SLC19A2: variants seen among roughly 807,000 people sequenced by gnomAD.
SLC19A2 encodes thiamine transporter 1.
In SLC19A2, 27 loss-of-function variants were observed where a neutral mutation model predicts 44.7. The observed-to-expected ratio is 0.60, with a 90% CI of 0.45 to 0.83. The LOEUF (loss-of-function observed/expected upper bound fraction) is 0.83. SLC19A2 is among the 40% of genes least tolerant of loss of function. SLC19A2 has a pLI of 0.00. For synonymous variants in SLC19A2, 239 were observed against 243.6 expected, an observed-to-expected ratio of 0.98 and a Z score of 0.18; for missense variants, 566 against 613.7, an observed-to-expected ratio of 0.92 and a Z score of 0.82.
intron 2 of SLC19A2, among the ~76,000 whole-genome samples, chr1:169,473,679 G>T (rs1379830851): frequency 6.9e-6 from 1 of 145,206 alleles, no homozygotes; most frequent in African/African-American, 2.5e-5. Flanking sequence ...ATAACATACT[G>T]ACTCTAAAGT....
intron 1 of SLC19A2, among the ~76,000 whole-genome samples, chr1:169,481,218 C>G (rs556722346): frequency 1.3e-5 from 2 of 152,312 alleles, no homozygotes; most frequent in South Asian, 4.1e-4. Flanking sequence ...AAACCACAAA[C>G]CTAAGGTAAA....
At chr1:169,484,278 G>T (rs1484993348) in intron 1 of SLC19A2, among the ~76,000 whole-genome samples, 4 of 152,190 alleles carry the variant, frequency 2.6e-5, no homozygotes, top group Non-Finnish European at 5.9e-5. Context: ...AACAAACTAT[G>T]AGTAACTATA....
In SLC19A2 at chr1:169,485,762, T is replaced by A. The variant is rs1427770805; in HGVS notation, c.5A>T (p.Asp2Val). 1 of 1,531,660 alleles carries A rather than the reference T, an allele frequency of 6.5e-7. No individual in the cohort carries two copies. The highest frequency in any genetic ancestry group is 2.5e-5 in the East Asian group (1 of 40,600). The allele number at this position is 1,531,660 out of a possible 1,614,324, so 94.9% of individuals were successfully genotyped here. A position where few individuals can be genotyped will look rare whatever the true frequency, so the allele number is the denominator to read the frequency against. ...CCGCCGAGACACCGGGCCGGGCACATCCATCCGGGGCGCGAGGGGAGGGGA... is the reference window on the plus strand; with the variant it reads ...CCGCCGAGACACCGGGCCGGGCACAACCATCCGGGGCGCGAGGGGAGGGGA... Reference protein sequence around the residue: MDVPGPVSRRAA... With the variant: MVVPGPVSRRAA... The change falls in exon 1 of 6, where the codon GAT (aspartate) becomes GTT (valine). Residue 2 changes from aspartate to valine, a missense_variant. By Grantham distance (152) the Asp-to-Val change is radical. Transcript: ENST00000236137.
chr1:169,485,969 T>TTAAGGGAGACCCGTCC (rs1658560009), upstream of SLC19A2: 103 of 629,624 alleles, frequency 1.6e-4, 1 homozygote, highest in South Asian at 2.0e-3. Context: ...ATCGCCCAGT[T>TTAAGGGAGACCCGTCC]TAAGGGAGAC....
In SLC19A2 at chr1:169,477,396, C is replaced by G. The variant is rs528458000; in HGVS notation, c.566G>C (p.Ser189Thr). ...ACAGGTAAGAGAGATGACATTCAGG[C>G]TGAACAGCGACCAGCCTGCCACTGA... The part of the protein sequence containing the change: ...LVSVAGWSLF[S>T]LNVISLTCVS... Residue 189 changes from serine (S) to threonine (T), a missense_variant, in exon 2 of 6, where the codon AGC (serine) becomes ACC (threonine). Physicochemically the swap from Ser to Thr is moderately conservative, Grantham distance 58. Transcript: ENST00000236137. 4.3e-6 allele frequency: 7 copies of G among 1,614,202 alleles called. No individual in the cohort carries two copies. The highest frequency in any genetic ancestry group is 1.1e-5 in the South Asian group (1 of 91,084).
intron 4 of SLC19A2, 124 bp from the exon 5 acceptor site, chr1:169,468,376 C>T (rs1427460360): frequency 1.2e-5 from 10 of 844,584 alleles, no homozygotes; most frequent in African/African-American, 1.7e-5. Flanking sequence ...CTGTCAATTG[C>T]CTTTCCAACC....
intron 5 of SLC19A2, among the ~76,000 whole-genome samples, chr1:169,466,862 A>ACAT (rs780535190): frequency 6.4e-4 from 98 of 152,200 alleles, no homozygotes; most frequent in African/African-American, 2.2e-3. Context: ...TGGTTTATTA[A>ACAT]CATCATCATC....
rs1162160250 is a variant in SLC19A2, at chr1:169,470,034, C to CCA, written c.958_959dup (p.Trp320CysfsTer5). ...CATAGCGAGAAGGCATCACTTTCTC[C>CCA]CACAGGCCCTGTGTGTAGTTCACAA... is the stretch of plus-strand genomic sequence containing the variant. On this transcript the variant is annotated frameshift_variant, in exon 3 of 6. Transcript: ENST00000236137. LOFTEE classifies it high-confidence loss of function. 1 of 1,613,996 alleles carries CCA rather than the reference C, an allele frequency of 6.2e-7. No individual in the cohort carries two copies. The highest frequency in any genetic ancestry group is 1.1e-5 in the South Asian group (1 of 91,068).
chr1:169,483,565 C>A (rs1347195590), intron 1 of SLC19A2, among the ~76,000 whole-genome samples: 1 of 152,160 alleles, frequency 6.6e-6, no homozygotes, highest in Non-Finnish European at 1.5e-5. Context: ...TTTTGTTACA[C>A]AATCAGCAAA....
At chr1:169,479,046 C>A (rs1211820729) in intron 1 of SLC19A2, among the ~76,000 whole-genome samples, 4 of 152,176 alleles carry the variant, frequency 2.6e-5, no homozygotes, top group Non-Finnish European at 5.9e-5. Context: ...CCCCTACATT[C>A]ACCTGTATAA....
intron 2 of SLC19A2, 40 bp downstream of exon 2, chr1:169,477,115 C>T: frequency 6.2e-7 from 1 of 1,611,726 alleles, no homozygotes; most frequent in Non-Finnish European, 8.5e-7. Context: ...GGGTCCAGCC[C>T]CCATAGTAGC....
chr1:169,483,310 AT>A (rs1224851293), intron 1 of SLC19A2, among the ~76,000 whole-genome samples: 2 of 152,092 alleles, frequency 1.3e-5, no homozygotes, highest in Non-Finnish European at 2.9e-5. Context: ...AAATCATGTA[AT>A]TTTTTTTATT....
chr1:169,467,992 T>G, intron 5 of SLC19A2, 119 bp downstream of exon 5: 2 of 974,300 alleles, frequency 2.1e-6, no homozygotes, highest in Non-Finnish European at 3.2e-6. Context: ...AAGGAGGGTA[T>G]GCTTTTACTT....
chr1:169,485,967 G>GT, upstream of SLC19A2: 1 of 629,728 alleles, frequency 1.6e-6, no homozygotes. Context: ...TGATCGCCCA[G>GT]TTTAAGGGAG....
chr1:169,464,482 T>G lies in SLC19A2; in HGVS notation c.*1367A>C, dbSNP rs1267624277. ...CTTAAACCAAATGAGTATGTCGACT[T>G]TGCAATCTTGACACACTATTATTAA... is the stretch of plus-strand genomic sequence containing the variant. On this transcript the variant is annotated 3_prime_UTR_variant, in exon 6 of 6. Coordinates refer to ENST00000236137, the MANE Select transcript of SLC19A2 (RefSeq NM_006996.3). 4 of 152,188 alleles carry G rather than the reference T, an allele frequency of 2.6e-5. No individual in the cohort carries two copies. The highest frequency in any genetic ancestry group is 5.9e-5 in the Non-Finnish European group (4 of 68,010). 9.4% of individuals were successfully genotyped at this position (152,188 alleles called of 1,614,324 possible).
rs765684661 is a variant in SLC19A2, at chr1:169,468,644, G to A, written c.1223C>T (p.Thr408Ile). ...GGCTTCTATGAGCCAAAATACATACGTTGCTATCGTGATGAGTAACATGTA... is the reference window on the plus strand; with the variant it reads ...GGCTTCTATGAGCCAAAATACATACATTGCTATCGTGATGAGTAACATGTA... The part of the protein sequence containing the change: ...IIYMLLITIA[T>I]FQIAANLSME... The change falls in exon 4 of 6, where the codon ACT (threonine) becomes ATT (isoleucine). Residue 408 changes from threonine (T) to isoleucine (I), a missense_variant and splice_region_variant. By Grantham distance (89) the Thr-to-Ile change is moderately conservative. Transcript: ENST00000236137. The A allele has an allele frequency of 2.4e-5, 39 of 1,612,874 alleles. No individual in the cohort carries two copies. The highest frequency in any genetic ancestry group is 5.3e-5 in the African/African-American group (4 of 74,842).
At chr1:169,473,409 A>G (rs931808921) in intron 2 of SLC19A2, among the ~76,000 whole-genome samples, 1 of 138,632 alleles carries the variant, frequency 7.2e-6, no homozygotes, top group African/African-American at 2.6e-5. Flanking sequence ...TAGTTTTTGT[A>G]TTTTTTTTTT....
At chr1:169,470,222 TGAAGGCA>T (rs1438738213) in intron 2 of SLC19A2, 36 bp from the exon 3 acceptor site, 18 of 1,578,578 alleles carry the variant, frequency 1.1e-5, no homozygotes, top group Middle Eastern at 3.3e-4. Flanking sequence ...CAAACTCTGA[TGAAGGCA>T]ATTATATAGA....
Position 169,485,937 on chromosome 1 carries a change from ACG to A in SLC19A2, c.-173_-172del. 2 of 781,060 alleles carry A rather than the reference ACG, an allele frequency of 2.6e-6. No homozygotes were observed. Among genetic ancestry groups the A allele is most frequent in the Admixed American group, 5.8e-5 (2 of 34,284 alleles). 48.4% of individuals were successfully genotyped at this position (781,060 alleles called of 1,614,324 possible). On this transcript the variant is annotated 5_prime_UTR_variant, in exon 1 of 6. Transcript: ENST00000236137. ...CAGAACCCCCAGCTTTACCCTACAG[ACG>A]CCTCTAGGGTCGCTGCCTGATCGCC...
Sources: gnomAD v4.1 joint callset for allele counts (sites outside exome capture counted in the v4.1 genomes callset) on GRCh38, gnomAD v4.1.1 for gene constraint, MANE v1.5 for transcripts, NCBI Gene and HGNC (gene_info 2026-07-23, HGNC 2026-07-21) for gene names.